STARD9: variants seen among roughly 807,000 people sequenced by gnomAD.
The protein encoded by STARD9 is StAR related lipid transfer domain containing 9.
STARD9 carries 346 observed loss-of-function variants against 399.8 expected under a neutral mutation model. The observed-to-expected ratio is 0.87, with a 90% CI of 0.79 to 0.95. The LOEUF (loss-of-function observed/expected upper bound fraction) is 0.95. Among genes scored for constraint, STARD9 ranks in the 40% least tolerant of loss-of-function variants. The pLI, the probability that STARD9 is intolerant of heterozygous loss-of-function variation, is 0.00. For synonymous variants in STARD9, 2,203 were observed against 2,143.5 expected, an observed-to-expected ratio of 1.03 and a Z score of -0.77; for missense variants, 5,832 against 5,667.5, an observed-to-expected ratio of 1.03 and a Z score of -0.93.
intron 3 of STARD9, among the ~76,000 whole-genome samples, chr15:42,599,438 A>G (rs970346105): frequency 6.6e-6 from 1 of 152,020 alleles, no homozygotes; most frequent in Admixed American, 6.6e-5. Context: ...TTTTGCTTAT[A>G]TTGGCTCCTC....
At chr15:42,629,573 T>C (rs2059288930) in intron 3 of STARD9, among the ~76,000 whole-genome samples, 1 of 152,376 alleles carries the variant, frequency 6.6e-6, no homozygotes, top group African/African-American at 2.4e-5. Flanking sequence ...AGGGATAATT[T>C]GACTTCTTCC....
chr15:42,591,332 A>C (rs1356748481), intron 3 of STARD9, among the ~76,000 whole-genome samples: 4 of 152,192 alleles, frequency 2.6e-5, no homozygotes, highest in Non-Finnish European at 5.9e-5. Context: ...TACTAAAGAT[A>C]CAGAAAATAG....
intron 3 of STARD9, among the ~76,000 whole-genome samples, chr15:42,606,610 C>T (rs567091289): frequency 6.6e-6 from 1 of 151,374 alleles, no homozygotes; most frequent in East Asian, 2.0e-4. Context: ...TGCGCACCAC[C>T]ACACCCAGCT....
rs2061418488 is a variant in STARD9 at position 42,719,765 on chromosome 15, C to T, written c.*191C>T. The T allele has an allele frequency of 3.4e-6, 2 of 580,680 alleles. No individual in the cohort carries two copies. Among genetic ancestry groups the T allele is most frequent in the South Asian group, 4.2e-5 (2 of 47,996 alleles). 36.0% of individuals were successfully genotyped at this position (580,680 alleles called of 1,614,324 possible). A position where few individuals can be genotyped will look rare whatever the true frequency, so the allele number is the denominator to read the frequency against. On this transcript the variant is annotated 3_prime_UTR_variant, in exon 33 of 33. Transcript: ENST00000290607. ...CCAGTCAGTACTTGGTCACAGCTGG[C>T]ACCAGTGCAGAGCAAACGGCCTGAG... is the stretch of plus-strand genomic sequence containing the variant.
chr15:42,678,219 A>G, intron 20 of STARD9, among the ~76,000 whole-genome samples: 1 of 152,190 alleles, frequency 6.6e-6, no homozygotes, highest in Admixed American at 6.5e-5. Flanking sequence ...CTAGAGAAAA[A>G]TATAAATTGT....
intron 26 of STARD9, among the ~76,000 whole-genome samples, chr15:42,705,822 A>G (rs1365070770): frequency 6.6e-6 from 1 of 151,786 alleles, no homozygotes; most frequent in East Asian, 1.9e-4. Flanking sequence ...GCGTGATCTC[A>G]GCTTACTGCA....
At chr15:42,698,274 CAA>C (rs2060887876) in intron 26 of STARD9, among the ~76,000 whole-genome samples, 1 of 152,122 alleles carries the variant, frequency 6.6e-6, no homozygotes, top group Admixed American at 6.5e-5. Context: ...GGCACTTGTA[CAA>C]AGAGTATATA....
Position 42,662,802 on chromosome 15 carries a change from C to G in STARD9, c.779C>G (p.Ala260Gly), listed in dbSNP as rs994381666. 6.5e-7 allele frequency: 1 copy of G among 1,536,438 alleles called. No homozygotes were observed. The highest frequency in any genetic ancestry group is 1.4e-5 in the African/African-American group (1 of 73,012). The change falls in exon 11 of 33, where the codon GCA (alanine) becomes GGA (glycine). Residue 260 changes from alanine to glycine, a missense_variant. Physicochemically the swap from Ala to Gly is moderately conservative, Grantham distance 60. Transcript: ENST00000290607. The stretch of plus-strand genomic sequence containing the variant: ...CATTGACTGTGTTTTAGCGAAAGAG[C>G]AGATCCCAGTTACTGTAAGGACCGC... ...NLVDLAGSER[A>G]DPSYCKDRIA...
rs192863692 is a variant in STARD9 at position 42,682,608 on chromosome 15, G to C, written c.2537+33G>C. The C allele has an allele frequency of 5.6e-4, 829 of 1,484,078 alleles. 1 individual carries two copies. The highest frequency in any genetic ancestry group is 1.5e-3 in the Admixed American group (65 of 43,848). The allele number at this position is 1,484,078 out of a possible 1,614,324, so 91.9% of individuals were successfully genotyped here. Reference sequence around the variant, plus strand: ...CAGTAGTTGTCACTGGGAAGCACTCGGTTAAAGTTTACAACCTTCTTGCCC... The same window carrying C: ...CAGTAGTTGTCACTGGGAAGCACTCCGTTAAAGTTTACAACCTTCTTGCCC... On this transcript the variant is annotated intron_variant, in intron 22 of 32. Coordinates refer to ENST00000290607, the MANE Select transcript of STARD9 (RefSeq NM_020759.3).
At chr15:42,701,298 G>T (rs764650416) in intron 26 of STARD9, among the ~76,000 whole-genome samples, 28 of 152,124 alleles carry the variant, frequency 1.8e-4, no homozygotes, top group Non-Finnish European at 3.2e-4. Context: ...TTCGTATTTT[G>T]ATAGAGCTTG....
intron 3 of STARD9, among the ~76,000 whole-genome samples, chr15:42,596,914 C>G (rs1417011698): frequency 6.6e-6 from 1 of 152,178 alleles, no homozygotes; most frequent in African/African-American, 2.4e-5. Context: ...TCCCACTCAT[C>G]TTATTCTCTA....
intron 26 of STARD9, 95 bp downstream of exon 26, chr15:42,695,975 G>A (rs1409542054): frequency 8.8e-6 from 12 of 1,369,428 alleles, no homozygotes; most frequent in African/African-American, 7.5e-5. Flanking sequence ...TGGGCAAGAC[G>A]CCGTGCCTCC....
chr15:42,713,851 T>G (rs1274983943), intron 26 of STARD9, among the ~76,000 whole-genome samples: 1 of 152,194 alleles, frequency 6.6e-6, no homozygotes, highest in African/African-American at 2.4e-5. Flanking sequence ...AGTTTACTTG[T>G]GATGTCTTTG....
chr15:42,601,483 G>C (rs528824281), intron 3 of STARD9, among the ~76,000 whole-genome samples: 1 of 150,592 alleles, frequency 6.6e-6, no homozygotes, highest in Non-Finnish European at 1.5e-5. Flanking sequence ...GGCGGCGGCC[G>C]GGCGGGGGCT....
rs2060071564 is a variant in STARD9 at position 42,665,218 on chromosome 15, A to G, written c.1177-35A>G. On this transcript the variant is annotated intron_variant, in intron 13 of 32. Coordinates refer to ENST00000290607, the MANE Select transcript of STARD9 (RefSeq NM_020759.3). The stretch of plus-strand genomic sequence containing the variant: ...ATTTCACAGCTGAGTGGGACTTGAT[A>G]ACAATCAGTGGTGATGGAGTTCTCT... 9 of 1,497,970 alleles carry G rather than the reference A, an allele frequency of 6.0e-6. No homozygotes were observed. The South Asian group carries it at 7.2e-5, about 12-fold the overall frequency. The allele number at this position is 1,497,970 out of a possible 1,614,324, so 92.8% of individuals were successfully genotyped here. A position where few individuals can be genotyped will look rare whatever the true frequency, so the allele number is the denominator to read the frequency against.
intron 7 of STARD9, among the ~76,000 whole-genome samples, 159 bp downstream of exon 7, chr15:42,638,971 T>C (rs185005105): frequency 6.6e-6 from 1 of 152,332 alleles, no homozygotes; most frequent in East Asian, 1.9e-4. Context: ...GAAGACGTGG[T>C]CCTGCCCTCA....
intron 26 of STARD9, among the ~76,000 whole-genome samples, chr15:42,716,012 CTT>C (rs2061342756): frequency 6.6e-6 from 1 of 152,100 alleles, no homozygotes; most frequent in South Asian, 2.1e-4. Context: ...AGAGAACTGT[CTT>C]TGTTTCCTCC....
At chr15:42,592,615 T>G (rs1378671906) in intron 3 of STARD9, among the ~76,000 whole-genome samples, 1 of 152,008 alleles carries the variant, frequency 6.6e-6, no homozygotes, top group Non-Finnish European at 1.5e-5. Flanking sequence ...CGGCTAATTT[T>G]TGTATTTGTA....
At chr15:42,575,977 G>A (rs1240407990) in intron 1 of STARD9, among the ~76,000 whole-genome samples, 1 of 152,250 alleles carries the variant, frequency 6.6e-6, no homozygotes, top group Non-Finnish European at 1.5e-5. Flanking sequence ...ACGGCCGCGG[G>A]AGGGCTGCCC....
Sources: allele counts gnomAD v4.1 joint callset (sites outside exome capture counted in the v4.1 genomes callset), GRCh38; gene constraint gnomAD v4.1.1; transcripts MANE v1.5; gene names NCBI Gene and HGNC (gene_info 2026-07-23, HGNC 2026-07-21).